MORN1: variants seen among roughly 807,000 people sequenced by gnomAD.
MORN1 encodes MORN repeat-containing protein 1.
Under a neutral mutation model 61.9 loss-of-function variants are expected in MORN1, and 67 were observed. The observed-to-expected ratio is 1.08, with a 90% CI of 0.89 to 1.33. MORN1 has a LOEUF of 1.33. Ranked by LOEUF, MORN1 falls within the 40% of genes most tolerant of loss-of-function variation. The probability of loss-of-function intolerance (pLI) is 0.00; values close to 1 mark genes in which losing one functional copy is unlikely to be tolerated. For missense variants in MORN1, 752 were observed against 691.2 expected, an observed-to-expected ratio of 1.09 and a Z score of -0.99; for synonymous variants, 301 against 292.0, an observed-to-expected ratio of 1.03 and a Z score of -0.31.
At chr1:2,324,366 A>T in intron 12 of MORN1, among the ~76,000 whole-genome samples, 1 of 152,068 alleles carries the variant, frequency 6.6e-6, no homozygotes, top group East Asian at 1.9e-4. Context: ...CCCTGTGCAA[A>T]TCCTCTTTGT....
Position 2,358,623 on chromosome 1 carries a change from C to A in MORN1, c.838G>T (p.Asp280Tyr). 1 of 1,614,176 alleles carries A rather than the reference C, an allele frequency of 6.2e-7. No homozygotes were observed. The highest frequency in any genetic ancestry group is 1.1e-5 in the South Asian group (1 of 91,086). ...GTCTGGATGAGTGTCTCTTGGTTGT[C>A]TCTGTCCACTTTGAAAAAGTTGACC... ...SEVNFFKVDRDNQETLIQTPF... is the reference protein window; with the variant it reads ...SEVNFFKVDRYNQETLIQTPF... Residue 280 changes from aspartate (D) to tyrosine (Y), a missense_variant, in exon 9 of 14, where the codon GAC (aspartate) becomes TAC (tyrosine). By Grantham distance (160) the Asp-to-Tyr change is radical. Transcript: ENST00000378531.
intron 1 of MORN1, 35 bp from the exon 2 acceptor site, chr1:2,390,031 G>A (rs1374079244): frequency 1.3e-6 from 2 of 1,573,560 alleles, no homozygotes; most frequent in Non-Finnish European, 8.7e-7. Flanking sequence ...GGTAAGCACA[G>A]ACACAGAGAT....
chr1:2,366,327 T>A (rs939118041), intron 8 of MORN1, among the ~76,000 whole-genome samples: 1 of 13,260 alleles, frequency 7.5e-5, no homozygotes, highest in Admixed American at 1.0e-3. Context: ...GGGACTGTTG[T>A]GGGGTGGGGG....
chr1:2,351,630 C>T, intron 10 of MORN1: 2 of 313,274 alleles, frequency 6.4e-6, no homozygotes, highest in Non-Finnish European at 1.2e-5. Flanking sequence ...GTGGCGCCCC[C>T]AGCAAGCTTC....
chr1:2,324,862 C>T (rs960113960), intron 12 of MORN1, among the ~76,000 whole-genome samples: 4 of 152,102 alleles, frequency 2.6e-5, no homozygotes, highest in East Asian at 3.9e-4. Flanking sequence ...GGGGCACCCA[C>T]GGGCTGGGGC....
intron 6 of MORN1, chr1:2,375,682 G>A (rs1642218230): frequency 6.6e-6 from 1 of 152,282 alleles, no homozygotes; most frequent in Non-Finnish European, 1.5e-5. Context: ...GGTGCCCGGA[G>A]GCAGCAAAAA....
rs897828034 is a variant in MORN1, at chr1:2,336,726, G to A, written c.1161C>T (p.Ser387=). The change falls in exon 11 of 14, where the codon AGC becomes AGT. Residue 387 remains serine, a synonymous_variant. Coordinates refer to ENST00000378531, the MANE Select transcript of MORN1 (RefSeq NM_024848.3). ...PGYHPFLFLD[S]LHKKAGGRSR... ...CCCCGTGGGCACCCACCTTGTGGAG[G>A]CTGTCCAGGAACAGGAAGGGGTGGT... 5 of 1,570,930 alleles carry A rather than the reference G, an allele frequency of 3.2e-6. No individual in the cohort carries two copies. The highest frequency in any genetic ancestry group is 4.3e-6 in the Non-Finnish European group (5 of 1,159,026).
Position 2,356,268 on chromosome 1 carries a change from G to A in MORN1, c.1036+1164C>T, listed in dbSNP as rs72920982. ...ACATGGCAGGGATTGAGCTCGCATC[G>A]GCCAAGGCAGGTGACAAGGGCTGGC... On this transcript the variant is annotated intron_variant, in intron 10 of 13. Coordinates refer to ENST00000378531, the MANE Select transcript of MORN1 (RefSeq NM_024848.3). Among the ~76,000 whole-genome samples the A allele has an allele frequency of 3.6e-3, 548 of 152,260 alleles. 4 individuals are homozygous for A. The highest frequency in any genetic ancestry group is 0.012 in the African/African-American group (503 of 41,534).
chr1:2,350,022 T>C (rs1470865628), intron 10 of MORN1, among the ~76,000 whole-genome samples: 4 of 152,180 alleles, frequency 2.6e-5, no homozygotes, highest in Non-Finnish European at 4.4e-5. Flanking sequence ...ACACCCGCCA[T>C]GGGCAGCACC....
chr1:2,356,625 G>C (rs923514770), intron 10 of MORN1, among the ~76,000 whole-genome samples: 4 of 152,198 alleles, frequency 2.6e-5, no homozygotes, highest in African/African-American at 9.6e-5. Flanking sequence ...TTGGGGTGCA[G>C]GGCTGTGGCA....
intron 5 of MORN1, 82 bp downstream of exon 5, chr1:2,385,725 C>A: frequency 1.5e-6 from 2 of 1,331,212 alleles, no homozygotes. Flanking sequence ...GCAGTCCTGT[C>A]TACACCCCCA....
intron 5 of MORN1, chr1:2,385,502 T>A (rs1259661760): frequency 3.3e-6 from 1 of 304,608 alleles, no homozygotes; most frequent in Non-Finnish European, 5.9e-6. Flanking sequence ...GACGCTCCTG[T>A]GGTGCCACTT....
intron 10 of MORN1, among the ~76,000 whole-genome samples, chr1:2,345,645 T>C (rs1641496420): frequency 1.3e-5 from 2 of 152,208 alleles, no homozygotes; most frequent in Admixed American, 1.3e-4. Context: ...ATAGGGGCTC[T>C]GTGTCCCAGG....
Position 2,336,724 on chromosome 1 carries a change from A to G in MORN1, c.1163T>C (p.Leu388Pro), listed in dbSNP as rs1036454953. The change falls in exon 11 of 14, where the codon CTC (leucine) becomes CCC (proline). Residue 388 changes from leucine to proline, a missense_variant. Transcript: ENST00000378531. Reference protein sequence around the residue: ...GYHPFLFLDSLHKKAGGRSRG... With the variant: ...GYHPFLFLDSPHKKAGGRSRG... Reference sequence around the variant, plus strand: ...CCCCCCGTGGGCACCCACCTTGTGGAGGCTGTCCAGGAACAGGAAGGGGTG... The same window carrying G: ...CCCCCCGTGGGCACCCACCTTGTGGGGGCTGTCCAGGAACAGGAAGGGGTG... 4.5e-6 allele frequency: 7 copies of G among 1,568,362 alleles called. No homozygotes were observed. The highest frequency in any genetic ancestry group is 1.8e-5 in the Admixed American group (1 of 54,134).
chr1:2,380,690 G>A (rs1002327619), intron 6 of MORN1, among the ~76,000 whole-genome samples: 1 of 152,062 alleles, frequency 6.6e-6, no homozygotes, highest in African/African-American at 2.4e-5. Flanking sequence ...GGCCACAGGT[G>A]TGTACCACCA....
At chr1:2,349,932 G>A (rs1641609624) in intron 10 of MORN1, among the ~76,000 whole-genome samples, 2 of 152,182 alleles carry the variant, frequency 1.3e-5, no homozygotes, top group African/African-American at 2.4e-5. Context: ...GTCCTCTCAC[G>A]GCTGCGGCCT....
At position 2,324,115 on chromosome 1, in the gene MORN1, C is replaced by G. The variant is rs749770862; in HGVS notation, c.1279G>C (p.Ala427Pro). Residue 427 changes from alanine (A) to proline (P), a missense_variant, in exon 13 of 14, where the codon GCT becomes CCT. By Grantham distance (27) the Ala-to-Pro change is conservative. Transcript: ENST00000378531. Reference protein sequence around the residue: ...RPEGRATEEQAAAAHLGEYVL... With the variant: ...RPEGRATEEQPAAAHLGEYVL... ...CACCTACCTAGGTGTGCTGCCGCAG[C>G]CTGCTCCTCCGTGGCTCTCCCCTCA... The G allele has an allele frequency of 3.7e-6, 6 of 1,600,878 alleles. No homozygotes were observed. The highest frequency in any genetic ancestry group is 5.1e-6 in the Non-Finnish European group (6 of 1,175,100).
rs144987376 is a variant in MORN1, at chr1:2,348,815, GCA to G, written c.1036+8615_1036+8616del. Among the ~76,000 whole-genome samples the G allele has an allele frequency of 3.1e-4, 47 of 149,208 alleles. 1 individual carries two copies. The highest frequency in any genetic ancestry group is 6.0e-4 in the Admixed American group (9 of 15,030). On this transcript the variant is annotated intron_variant, in intron 10 of 13. Coordinates refer to ENST00000378531, the MANE Select transcript of MORN1 (RefSeq NM_024848.3). The stretch of plus-strand genomic sequence containing the variant: ...CGCACACGCACTCCTGCGCGGGCAC[GCA>G]CACACACGCACGCACACGCACACCT...
chr1:2,355,577 C>A, intron 10 of MORN1: 1 of 1,201,660 alleles, frequency 8.3e-7, no homozygotes, highest in Non-Finnish European at 1.2e-6. Context: ...GGCGGAGGCT[C>A]TTCCCAGGGC....
Sources: gnomAD v4.1 joint callset for allele counts (sites outside exome capture counted in the v4.1 genomes callset) on GRCh38, gnomAD v4.1.1 for gene constraint, MANE v1.5 for transcripts, NCBI Gene and HGNC (gene_info 2026-07-23, HGNC 2026-07-21) for gene names.